Variants in ADAMTS6 observed in about 807,000 individuals in gnomAD.
ADAMTS6 encodes A disintegrin and metalloproteinase with thrombospondin motifs 6.
A neutral mutation model predicts 144.3 loss-of-function variants in ADAMTS6; 23 were observed. The ratio of observed to expected loss-of-function variants is 0.16; its 90% CI spans 0.11 to 0.23. The LOEUF (loss-of-function observed/expected upper bound fraction) is 0.23. Ranked by LOEUF, ADAMTS6 falls within the 10% of genes least tolerant of loss-of-function variation. The pLI, the probability that ADAMTS6 is intolerant of heterozygous loss-of-function variation, is 1.00. For synonymous variants in ADAMTS6, 444 were observed against 457.5 expected, an observed-to-expected ratio of 0.97 and a Z score of 0.38; for missense variants, 999 against 1,379.6, an observed-to-expected ratio of 0.72 and a Z score of 4.37.
intron 9 of ADAMTS6, 102 bp downstream of exon 9, chr5:65,329,276 A>C: frequency 1.0e-6 from 1 of 953,128 alleles, no homozygotes; most frequent in Non-Finnish European, 1.6e-6. Context: ...TCAGACAAAA[A>C]GGTAGTAAAA....
chr5:65,427,669 G>A (rs1304408068), intron 7 of ADAMTS6, among the ~76,000 whole-genome samples: 1 of 151,706 alleles, frequency 6.6e-6, no homozygotes, highest in African/African-American at 2.4e-5. Flanking sequence ...GTGGTGGCGG[G>A]TGCCTGTAGT....
At chr5:65,351,160 A>G (rs1477081446) in intron 7 of ADAMTS6, among the ~76,000 whole-genome samples, 1 of 152,234 alleles carries the variant, frequency 6.6e-6, no homozygotes, top group Non-Finnish European at 1.5e-5. Flanking sequence ...CCAGTTGCCA[A>G]TAATTTAACA....
At chr5:65,305,946 G>A (rs1213635607) in intron 9 of ADAMTS6, among the ~76,000 whole-genome samples, 3 of 152,130 alleles carry the variant, frequency 2.0e-5, no homozygotes, top group Admixed American at 1.3e-4. Context: ...CCATTTGTCC[G>A]GGTAATTTTC....
chr5:65,461,536 G>T (rs1354453593), intron 3 of ADAMTS6, among the ~76,000 whole-genome samples: 1 of 152,122 alleles, frequency 6.6e-6, no homozygotes, highest in Non-Finnish European at 1.5e-5. Flanking sequence ...CACATGTGAG[G>T]ACTGCTCTTA....
chr5:65,174,415 A>T (rs552139304), intron 22 of ADAMTS6, among the ~76,000 whole-genome samples: 1 of 152,308 alleles, frequency 6.6e-6, no homozygotes, highest in South Asian at 2.1e-4. Flanking sequence ...AGCTTGGCCG[A>T]TGCGGATCCT....
chr5:65,256,985 C>CTCTCTCT (rs765554792), intron 14 of ADAMTS6, among the ~76,000 whole-genome samples: 17 of 88,676 alleles, frequency 1.9e-4, no homozygotes, highest in East Asian at 3.3e-4. Context: ...CTCTCTCTCT[C>CTCTCTCT]TTTTTTTTTT....
chr5:65,153,253 A>T (rs1457365429), intron 24 of ADAMTS6, among the ~76,000 whole-genome samples: 1 of 152,220 alleles, frequency 6.6e-6, no homozygotes, highest in Non-Finnish European at 1.5e-5. Context: ...CACTGAAAAC[A>T]TCTCTGCCAC....
At chr5:65,314,042 T>C (rs1414792719) in intron 9 of ADAMTS6, among the ~76,000 whole-genome samples, 1 of 152,110 alleles carries the variant, frequency 6.6e-6, no homozygotes, top group Non-Finnish European at 1.5e-5. Context: ...CTAGATTAAA[T>C]ATGACACAGA....
At chr5:65,228,392 T>C (rs777734389) in intron 15 of ADAMTS6, among the ~76,000 whole-genome samples, 25 of 152,354 alleles carry the variant, frequency 1.6e-4, no homozygotes, top group Non-Finnish European at 2.2e-4. Flanking sequence ...GTTTCTTGTT[T>C]ACTGCTGAAG....
At chr5:65,278,992 G>T (rs985044987) in intron 11 of ADAMTS6, among the ~76,000 whole-genome samples, 29 of 146,860 alleles carry the variant, frequency 2.0e-4, no homozygotes, top group Non-Finnish European at 4.2e-4. Context: ...AGCCCAGGCT[G>T]AAGTGTAGTG....
At chr5:65,275,407 G>GAA (rs1202222325) in intron 11 of ADAMTS6, among the ~76,000 whole-genome samples, 1 of 119,912 alleles carries the variant, frequency 8.3e-6, no homozygotes, top group East Asian at 2.2e-4. Flanking sequence ...AAGAAAGAAA[G>GAA]AAAGAAAGAA....
At chr5:65,245,491 T>C (rs1458925320) in intron 14 of ADAMTS6, among the ~76,000 whole-genome samples, 2 of 152,162 alleles carry the variant, frequency 1.3e-5, no homozygotes, top group Admixed American at 1.3e-4. Context: ...TGTATCTTCC[T>C]GGAAGGAACT....
intron 21 of ADAMTS6, among the ~76,000 whole-genome samples, chr5:65,192,564 C>T (rs1270223396): frequency 6.6e-6 from 1 of 151,810 alleles, no homozygotes; most frequent in Non-Finnish European, 1.5e-5. Context: ...CTTAACTCAG[C>T]CTTTCTCTTT....
intron 15 of ADAMTS6, among the ~76,000 whole-genome samples, chr5:65,241,718 T>G (rs187638966): frequency 6.1e-4 from 93 of 152,292 alleles, no homozygotes; most frequent in African/African-American, 2.1e-3. Flanking sequence ...ATTTATATTC[T>G]TATAACTTGT....
At chr5:65,405,301 C>T (rs1002791881) in intron 7 of ADAMTS6, among the ~76,000 whole-genome samples, 21 of 152,086 alleles carry the variant, frequency 1.4e-4, no homozygotes, top group African/African-American at 5.1e-4. Context: ...AGTCTTTAAT[C>T]CATTTTGAAT....
chr5:65,183,856 T>G (rs944945251), intron 22 of ADAMTS6, among the ~76,000 whole-genome samples: 1 of 152,190 alleles, frequency 6.6e-6, no homozygotes, highest in African/African-American at 2.4e-5. Context: ...TAGTAATAAT[T>G]AGAAATTGGG....
chr5:65,196,909 CT>C, intron 21 of ADAMTS6, 112 bp downstream of exon 21: 4 of 1,318,940 alleles, frequency 3.0e-6, no homozygotes, highest in Non-Finnish European at 4.0e-6. Flanking sequence ...TGTTTTCTAC[CT>C]TTTTTCAGCC....
chr5:65,366,379 T>C (rs543896260), intron 7 of ADAMTS6, among the ~76,000 whole-genome samples: 180 of 152,142 alleles, frequency 1.2e-3, no homozygotes, highest in Middle Eastern at 3.4e-3. Flanking sequence ...AAAAGAACAA[T>C]GGGAAGGAAA....
At chr5:65,458,466 C>T (rs751316183) in intron 4 of ADAMTS6, among the ~76,000 whole-genome samples, 26 of 152,182 alleles carry the variant, frequency 1.7e-4, no homozygotes, top group Non-Finnish European at 3.8e-4. Flanking sequence ...GGCTGGAGTG[C>T]AGTGGCACAA....
Sources: gnomAD v4.1 joint callset for allele counts (sites outside exome capture counted in the v4.1 genomes callset) on GRCh38, gnomAD v4.1.1 for gene constraint, MANE v1.5 for transcripts, NCBI Gene and HGNC (gene_info 2026-07-23, HGNC 2026-07-21) for gene names.